The following BAZ1B variants were observed in gnomAD, a reference collection of about 807,000 sequenced individuals.
BAZ1B encodes the protein tyrosine-protein kinase BAZ1B.
BAZ1B carries 22 observed loss-of-function variants against 153.8 expected under a neutral mutation model. The ratio of observed to expected loss-of-function variants is 0.14; its 90% CI spans 0.10 to 0.20. The LOEUF is 0.20. Ranked by LOEUF, BAZ1B falls within the 10% of genes least tolerant of loss-of-function variation. The probability of loss-of-function intolerance (pLI) is 1.00; values close to 1 mark genes in which losing one functional copy is unlikely to be tolerated. For missense variants in BAZ1B, 1,325 were observed against 1,799.3 expected (o/e 0.74, Z 4.77); for synonymous variants, 676 against 633.4 (o/e 1.07, Z -1.01).
rs1554576715 is a variant in BAZ1B at position 73,498,760 on chromosome 7, A to G, written c.370-62T>C. On this transcript the variant is annotated intron_variant, in intron 3 of 19. Transcript: ENST00000339594. ...AACACCCAGAAACCTGAAGATGTTT[A>G]GAACATATCATCCAATATACATGCC... is the stretch of plus-strand genomic sequence containing the variant. The G allele has an allele frequency of 2.1e-6, 3 of 1,436,842 alleles. No individual in the cohort carries two copies. The African/African-American group carries it at 4.2e-5, about 20-fold the overall frequency. 89.0% of individuals were successfully genotyped at this position (1,436,842 alleles called of 1,614,324 possible).
At chr7:73,480,489 A>G (rs1789159504) in intron 6 of BAZ1B, among the ~76,000 whole-genome samples, 1 of 152,240 alleles carries the variant, frequency 6.6e-6, no homozygotes, top group South Asian at 2.1e-4. Flanking sequence ...AATGCAAACT[A>G]ATTGAAATAA....
At chr7:73,514,791 A>AG (rs1554579045) in intron 1 of BAZ1B, among the ~76,000 whole-genome samples, 1 of 151,962 alleles carries the variant, frequency 6.6e-6, no homozygotes, top group Non-Finnish European at 1.5e-5. Context: ...GTCTAAAAAA[A>AG]GAAGATTAGC....
chr7:73,504,058 A>G (rs1335008954), intron 3 of BAZ1B, among the ~76,000 whole-genome samples: 6 of 152,132 alleles, frequency 3.9e-5, no homozygotes, highest in African/African-American at 1.2e-4. Flanking sequence ...GTCTTCCCCA[A>G]CTGCTGATAG....
rs368146268 is a variant in BAZ1B, at chr7:73,478,339, C to A, written c.1122G>T (p.Ser374=). 1 of 1,613,110 alleles carries A rather than the reference C, an allele frequency of 6.2e-7. No homozygotes were observed. The highest frequency in any genetic ancestry group is 1.3e-5 in the African/African-American group (1 of 74,770). The change falls in exon 7 of 20, where the codon TCG becomes TCT. Residue 374 remains serine, a synonymous_variant. Coordinates refer to ENST00000339594, the MANE Select transcript of BAZ1B (RefSeq NM_032408.4). ...EHLEEMMKMM[S]PNKLHTNFHI... ...GAAAGTTAGTGTGCAGCTTATTGGG[C>A]GACATCATCTTCATCATTTCTTCTA...
At chr7:73,449,169 CATT>C (rs1436580122) in intron 15 of BAZ1B, among the ~76,000 whole-genome samples, 3 of 152,158 alleles carry the variant, frequency 2.0e-5, no homozygotes, top group Non-Finnish European at 4.4e-5. Flanking sequence ...GGGAAGAAAA[CATT>C]ATGTATCGGT....
intron 1 of BAZ1B, among the ~76,000 whole-genome samples, chr7:73,519,221 T>C (rs1554579758): frequency 1.3e-5 from 2 of 152,182 alleles, no homozygotes; most frequent in East Asian, 1.9e-4. Context: ...CTGTGATACA[T>C]GCAATCAAAA....
chr7:73,464,401 T>C (rs1173348322), intron 11 of BAZ1B, among the ~76,000 whole-genome samples: 1 of 152,212 alleles, frequency 6.6e-6, no homozygotes, highest in Non-Finnish European at 1.5e-5. Context: ...TGTACTTCAG[T>C]TTTTTGTTGT....
intron 1 of BAZ1B, among the ~76,000 whole-genome samples, chr7:73,515,079 A>C (rs1554579106): frequency 1.3e-5 from 2 of 152,180 alleles, no homozygotes; most frequent in Non-Finnish European, 2.9e-5. Flanking sequence ...CTCAAAAAAA[A>C]ACAAAAAACC....
intron 2 of BAZ1B, among the ~76,000 whole-genome samples, chr7:73,509,340 A>C (rs1583952492): frequency 6.6e-6 from 1 of 152,082 alleles, no homozygotes; most frequent in Non-Finnish European, 1.5e-5. Flanking sequence ...AACAAACAAA[A>C]AAAAACACTT....
intron 1 of BAZ1B, among the ~76,000 whole-genome samples, chr7:73,511,584 C>T (rs897785445): frequency 6.6e-6 from 1 of 151,998 alleles, no homozygotes; most frequent in Non-Finnish European, 1.5e-5. Flanking sequence ...GTGATTTCCT[C>T]AATTCACCAA....
Position 73,510,741 on chromosome 7 carries a change from A to G in BAZ1B, c.219T>C (p.Ala73=). 1 of 1,613,592 alleles carries G rather than the reference A, an allele frequency of 6.2e-7. No individual in the cohort carries two copies. Among genetic ancestry groups the G allele is most frequent in the Non-Finnish European group, 8.5e-7 (1 of 1,179,518 alleles). The part of the protein sequence containing the change: ...KEAWEEEQEV[A]ELLKEEFPAW... ...GCAATACTTCCATTACTTACAGCTC[A>G]GCAACTTCCTGTTCTTCCTCCCAGG... Residue 73 remains alanine (A), a synonymous_variant, in exon 2 of 20, where the codon GCT becomes GCC. Coordinates refer to ENST00000339594, the MANE Select transcript of BAZ1B (RefSeq NM_032408.4).
At chr7:73,496,491 G>C (rs1204723222) in intron 4 of BAZ1B, among the ~76,000 whole-genome samples, 34 of 152,188 alleles carry the variant, frequency 2.2e-4, no homozygotes, top group Admixed American at 2.2e-3. Flanking sequence ...CAGTTAAATA[G>C]TAAGCTAACA....
chr7:73,521,886 C>G lies in BAZ1B; in HGVS notation c.48G>C (p.Leu16Phe). 6.7e-7 allele frequency: 1 copy of G among 1,502,010 alleles called. No individual in the cohort carries two copies. Among genetic ancestry groups the G allele is most frequent in the Non-Finnish European group, 8.9e-7 (1 of 1,121,406 alleles). 93.0% of individuals were successfully genotyped at this position (1,502,010 alleles called of 1,614,324 possible). The change falls in exon 1 of 20, where the codon TTG becomes TTC. Residue 16 changes from leucine (L) to phenylalanine (F), a missense_variant. By Grantham distance (22) the Leu-to-Phe change is conservative (BLOSUM62 0). Coordinates refer to ENST00000339594, the MANE Select transcript of BAZ1B (RefSeq NM_032408.4). The stretch of plus-strand genomic sequence containing the variant: ...TGGTGAAGAGCGGCTCCTCTCCGGG[C>G]AACGGCTTCACCAGCGGGAAGGGCT... The part of the protein sequence containing the change: ...GRKPFPLVKP[L>F]PGEEPLFTIP...
chr7:73,473,626 A>G (rs1483115721), intron 7 of BAZ1B, among the ~76,000 whole-genome samples: 1 of 152,224 alleles, frequency 6.6e-6, no homozygotes, highest in Non-Finnish European at 1.5e-5. Context: ...ATATGCAAAA[A>G]TATTTCAATG....
chr7:73,470,172 G>GC (rs1298064095), intron 8 of BAZ1B, among the ~76,000 whole-genome samples, 173 bp downstream of exon 8: 1 of 152,154 alleles, frequency 6.6e-6, no homozygotes, highest in East Asian at 1.9e-4. Flanking sequence ...ACTTAACTTT[G>GC]CAACTCTAGC....
intron 13 of BAZ1B, among the ~76,000 whole-genome samples, chr7:73,455,551 G>A (rs1382673529): frequency 2.0e-5 from 3 of 152,166 alleles, no homozygotes; most frequent in African/African-American, 7.2e-5. Flanking sequence ...GGAGGCCAGG[G>A]TGGGTGGATC....
rs782485090 is a variant in BAZ1B at position 73,477,838 on chromosome 7, T to C, written c.1623A>G (p.Glu541=). ...HKKRWASMSE[E]QRKEYLKKKR... ...TCTTTTTCAAATATTCTTTCCGTTG[T>C]TCTTCAGACATAGAAGCCCACCTCT... is the stretch of plus-strand genomic sequence containing the variant. The change falls in exon 7 of 20, where the codon GAA becomes GAG. Residue 541 remains glutamate, a synonymous_variant. Coordinates refer to ENST00000339594, the MANE Select transcript of BAZ1B (RefSeq NM_032408.4). The surrounding 1 kb of genome is among the most constrained non-coding windows in gnomAD (Gnocchi z 5.6). 1.2e-6 allele frequency: 2 copies of C among 1,613,958 alleles called. No homozygotes were observed. Among genetic ancestry groups the C allele is most frequent in the South Asian group, 1.1e-5 (1 of 91,056 alleles).
At chr7:73,503,108 TACTC>T (rs1178397521) in intron 3 of BAZ1B, among the ~76,000 whole-genome samples, 6 of 152,140 alleles carry the variant, frequency 3.9e-5, no homozygotes, top group African/African-American at 1.2e-4. Context: ...TGAGGGTAAA[TACTC>T]AAGCAAAAAT....
intron 7 of BAZ1B, among the ~76,000 whole-genome samples, chr7:73,472,029 C>T (rs1554572063): frequency 1.3e-5 from 2 of 152,156 alleles, no homozygotes; most frequent in African/African-American, 4.8e-5. Context: ...AACTAGTTAT[C>T]CAAAGACCTG....
Sources: gnomAD v4.1 joint callset for allele counts (sites outside exome capture counted in the v4.1 genomes callset) on GRCh38, gnomAD v4.1.1 for gene constraint, Gnocchi (gnomAD v3.1) non-coding constraint, MANE v1.5 for transcripts, NCBI Gene and HGNC (gene_info 2026-07-23, HGNC 2026-07-21) for gene names.